The following IMPG2 variants were observed in gnomAD, a reference collection of about 807,000 sequenced individuals.
IMPG2 encodes the protein interphotoreceptor matrix proteoglycan 2, also known as IPM 200.
In IMPG2, 91 loss-of-function variants were observed where a neutral mutation model predicts 129.2. The observed-to-expected ratio is 0.70, with a 90% CI of 0.59 to 0.84. The LOEUF (loss-of-function observed/expected upper bound fraction) is 0.84, where lower values mean the gene tolerates loss of function less well. Among genes scored for constraint, IMPG2 ranks in the 40% least tolerant of loss-of-function variants. The pLI is 0.00. For synonymous variants in IMPG2, 510 were observed against 517.7 expected, an observed-to-expected ratio of 0.99 and a Z score of 0.20; for missense variants, 1,430 against 1,461.7, an observed-to-expected ratio of 0.98 and a Z score of 0.35.
intron 14 of IMPG2, among the ~76,000 whole-genome samples, 168 bp downstream of exon 14, chr3:101,242,520 G>A (rs1366976841): frequency 2.0e-5 from 3 of 152,220 alleles, no homozygotes; most frequent in Non-Finnish European, 2.9e-5. Context: ...TGATATTGAT[G>A]TTCTTGGGAG....
chr3:101,299,420 GTTC>G (rs1168444648), intron 3 of IMPG2, among the ~76,000 whole-genome samples: 2 of 152,164 alleles, frequency 1.3e-5, no homozygotes, highest in Non-Finnish European at 2.9e-5. Flanking sequence ...CCTCCATCCA[GTTC>G]TTCACCCTTG....
At chr3:101,236,792 C>T (rs1016556455) in intron 14 of IMPG2, among the ~76,000 whole-genome samples, 1 of 152,212 alleles carries the variant, frequency 6.6e-6, no homozygotes, top group East Asian at 1.9e-4. Context: ...AGACACCAAG[C>T]TAGCTGCAGG....
chr3:101,243,736 A>G lies in IMPG2; in HGVS notation c.2595T>C (p.Tyr865=), dbSNP rs866409532. 12 of 1,613,828 alleles carry G rather than the reference A, an allele frequency of 7.4e-6. No homozygotes were observed. Among genetic ancestry groups the G allele is most frequent in the South Asian group, 1.1e-5 (1 of 91,060 alleles). Residue 865 remains tyrosine (Y), a synonymous_variant, in exon 13 of 19, where the codon TAT becomes TAC. Transcript: ENST00000193391. ...VQEQNGKVGS[Y]VEMSTSVHST... ...AGTGAACACTTGTTGACATTTCCAC[A>G]TAACTACCAACCTTGCCATTTTGCT... is the stretch of plus-strand genomic sequence containing the variant.
intron 2 of IMPG2, among the ~76,000 whole-genome samples, chr3:101,308,100 C>T (rs569620139): frequency 2.8e-4 from 43 of 152,382 alleles, no homozygotes; most frequent in African/African-American, 1.0e-3. Flanking sequence ...GGCAGCTCCA[C>T]TGCTGTGGCT....
chr3:101,275,210 A>G (rs1408915648), intron 6 of IMPG2, among the ~76,000 whole-genome samples: 4 of 152,156 alleles, frequency 2.6e-5, no homozygotes, highest in African/African-American at 9.7e-5. Flanking sequence ...AGACTCACCT[A>G]TAGGATTTAG....
At chr3:101,250,944 G>A (rs1008389844) in intron 11 of IMPG2, among the ~76,000 whole-genome samples, 14 of 152,142 alleles carry the variant, frequency 9.2e-5, no homozygotes, top group African/African-American at 2.9e-4. Context: ...ACCAAGTTCT[G>A]TTCTTCAATA....
chr3:101,244,037 A>G lies in IMPG2; in HGVS notation c.2294T>C (p.Met765Thr). 6.2e-7 allele frequency: 1 copy of G among 1,614,098 alleles called. No homozygotes were observed. Among genetic ancestry groups the G allele is most frequent in the Non-Finnish European group, 8.5e-7 (1 of 1,180,024 alleles). Residue 765 changes from methionine to threonine, a missense_variant, in exon 13 of 19, where the codon ATG (methionine) becomes ACG (threonine). Coordinates refer to ENST00000193391, the MANE Select transcript of IMPG2 (RefSeq NM_016247.4). Reference protein sequence around the residue: ...NYEWFDSEVSMVKPDMQTLWT... With the variant: ...NYEWFDSEVSTVKPDMQTLWT... Reference sequence around the variant, plus strand: ...CAAAGTTTGCATATCTGGCTTTACCATTGAAACCTCACTGTCAAACCATTC... The same window carrying G: ...CAAAGTTTGCATATCTGGCTTTACCGTTGAAACCTCACTGTCAAACCATTC...
chr3:101,269,031 G>A (rs977731039), intron 8 of IMPG2, among the ~76,000 whole-genome samples: 1 of 152,190 alleles, frequency 6.6e-6, no homozygotes, highest in Admixed American at 6.5e-5. Context: ...GTTCACAAGT[G>A]TTACACTGTG....
intron 3 of IMPG2, among the ~76,000 whole-genome samples, chr3:101,295,645 T>G (rs1026262919): frequency 6.6e-6 from 1 of 152,184 alleles, no homozygotes; most frequent in East Asian, 1.9e-4. Flanking sequence ...TAAATTACTG[T>G]GGGCAGTATG....
chr3:101,264,822 T>A (rs1706705753), intron 9 of IMPG2, among the ~76,000 whole-genome samples: 1 of 151,948 alleles, frequency 6.6e-6, no homozygotes, highest in South Asian at 2.1e-4. Flanking sequence ...TTAAAAAAAC[T>A]CCTAGATTTA....
intron 3 of IMPG2, among the ~76,000 whole-genome samples, chr3:101,299,369 C>T (rs1259624237): frequency 6.6e-6 from 1 of 152,116 alleles, no homozygotes; most frequent in Admixed American, 6.5e-5. Flanking sequence ...TTGTTATTAC[C>T]CACCTTCTGA....
rs1323566399 is a variant in IMPG2 at position 101,225,157 on chromosome 3, G to A, written c.*1812C>T. 1 of 152,236 alleles carries A rather than the reference G, an allele frequency of 6.6e-6. No homozygotes were observed. Among genetic ancestry groups the A allele is most frequent in the Non-Finnish European group, 1.5e-5 (1 of 68,048 alleles). The allele number at this position is 152,236 out of a possible 1,614,324, so 9.4% of individuals were successfully genotyped here. On this transcript the variant is annotated 3_prime_UTR_variant, in exon 19 of 19. Transcript: ENST00000193391. ...TTTTATAAATAAAACTAAGCACTTAGTAGTGACAAATATCATTAACACTTA... is the reference window on the plus strand; with the variant it reads ...TTTTATAAATAAAACTAAGCACTTAATAGTGACAAATATCATTAACACTTA...
chr3:101,311,349 A>T (rs538742663), intron 2 of IMPG2, among the ~76,000 whole-genome samples: 1 of 152,256 alleles, frequency 6.6e-6, no homozygotes, highest in South Asian at 2.1e-4. Flanking sequence ...AACTATTTGA[A>T]CTAATAAACA....
intron 4 of IMPG2, among the ~76,000 whole-genome samples, chr3:101,284,208 A>G (rs1456856796): frequency 1.3e-5 from 2 of 152,212 alleles, no homozygotes; most frequent in African/African-American, 4.8e-5. Flanking sequence ...GGCATGGGAG[A>G]ACCAGGAGTT....
rs183618286 is a variant in IMPG2 at position 101,241,594 on chromosome 3, G to C, written c.3022+1094C>G. On this transcript the variant is annotated intron_variant, in intron 14 of 18. Transcript: ENST00000193391. ...GATGTGGGGAAACTGGTCCAAAGGA[G>C]AGATCATGGTGATTTGGATGGAGTC... Among the ~76,000 whole-genome samples, 29 of 152,250 alleles carry C rather than the reference G, an allele frequency of 1.9e-4. No homozygotes were observed. The East Asian group carries it at 2.5e-3, about 13-fold the overall frequency.
chr3:101,312,362 G>T (rs1417770489), intron 2 of IMPG2, among the ~76,000 whole-genome samples: 1 of 151,974 alleles, frequency 6.6e-6, no homozygotes, highest in African/African-American at 2.4e-5. Context: ...AATGGGCAAA[G>T]TTCTGAACAG....
intron 10 of IMPG2, among the ~76,000 whole-genome samples, chr3:101,256,141 AAAGAAAAG>A (rs1317504362): frequency 2.9e-4 from 42 of 144,154 alleles, no homozygotes; most frequent in South Asian, 1.1e-3. Context: ...AGAAAGAAAG[AAAGAAAAG>A]AAAGAAAGAA....
chr3:101,244,099 C>T lies in IMPG2; in HGVS notation c.2232G>A (p.Arg744=). 4.3e-6 allele frequency: 7 copies of T among 1,614,018 alleles called. No homozygotes were observed. Among genetic ancestry groups the T allele is most frequent in the South Asian group, 2.2e-5 (2 of 91,080 alleles). ...ACTCAGTAATTTGTTCCATATCCTC[C>T]CTTAGGATGGCATCTGCCTGATCTG... ...DKSDQADAIL[R]EDMEQITESS... The change falls in exon 13 of 19, where the codon AGG becomes AGA. Residue 744 remains arginine (R), a synonymous_variant. Coordinates refer to ENST00000193391, the MANE Select transcript of IMPG2 (RefSeq NM_016247.4).
Position 101,242,833 on chromosome 3 carries a change from A to G in IMPG2, c.2877T>C (p.Ile959=), listed in dbSNP as rs747232346. 6.2e-6 allele frequency: 10 copies of G among 1,614,086 alleles called. No homozygotes were observed. The South Asian group carries it at 1.1e-4, about 18-fold the overall frequency. ...LEILNFRNGS[I]VVNSRMKFAN... is the part of the protein sequence containing the mutation. ...CAAACTTCATTCGACTGTTCACCAC[A>G]ATGCTGCCATTTCTGAAGTTGAGGA... The change falls in exon 14 of 19, where the codon ATT becomes ATC. Residue 959 remains isoleucine (I), a synonymous_variant. Transcript: ENST00000193391.
Sources: allele counts gnomAD v4.1 joint callset (sites outside exome capture counted in the v4.1 genomes callset), GRCh38; gene constraint gnomAD v4.1.1; transcripts MANE v1.5; gene names NCBI Gene and HGNC (gene_info 2026-07-23, HGNC 2026-07-21).